Variants in CLDN10 observed in about 807,000 individuals in gnomAD.
CLDN10 encodes the protein claudin 10, also known as claudin-10.
In CLDN10, 15 loss-of-function variants were observed where a neutral mutation model predicts 22.9. The observed-to-expected ratio is 0.65, with a 90% CI of 0.44 to 1.01. CLDN10 has a LOEUF of 1.01. CLDN10 is among the 50% of genes least tolerant of loss of function. CLDN10 has a pLI of 0.00. For synonymous variants in CLDN10, 114 were observed against 111.4 expected, an observed-to-expected ratio of 1.02 and a Z score of -0.15; for missense variants, 247 against 287.8, an observed-to-expected ratio of 0.86 and a Z score of 1.03.
At chr13:95,500,268 C>A (rs1057412143) in intron 1 of CLDN10, among the ~76,000 whole-genome samples, 6 of 151,422 alleles carry the variant, frequency 4.0e-5, no homozygotes, top group Non-Finnish European at 5.9e-5. Context: ...AGTAAAACAG[C>A]ATGTTGCATG....
intron 1 of CLDN10, chr13:95,434,105 G>T (rs1464212911): frequency 7.0e-7 from 1 of 1,437,072 alleles, no homozygotes; most frequent in East Asian, 2.3e-5. Context: ...CCCCGACTGT[G>T]CTGAAGTAGC....
intron 3 of CLDN10, among the ~76,000 whole-genome samples, chr13:95,569,931 G>A (rs967884668): frequency 1.3e-5 from 2 of 152,068 alleles, no homozygotes; most frequent in African/African-American, 4.8e-5. Flanking sequence ...ACCGCGCCCG[G>A]CTAATTTTTT....
intron 1 of CLDN10, among the ~76,000 whole-genome samples, chr13:95,460,098 A>G (rs1013299262): frequency 6.6e-6 from 1 of 152,162 alleles, no homozygotes; most frequent in Non-Finnish European, 1.5e-5. Flanking sequence ...CCTTTATTCC[A>G]GTTCCCAAAA....
intron 1 of CLDN10, among the ~76,000 whole-genome samples, chr13:95,483,240 A>T (rs2042768772): frequency 6.6e-6 from 1 of 152,230 alleles, no homozygotes; most frequent in South Asian, 2.1e-4. Context: ...CTCCTCGTTC[A>T]GACTGTGGGC....
intron 1 of CLDN10, among the ~76,000 whole-genome samples, chr13:95,501,261 G>A (rs1317474143): frequency 2.0e-5 from 3 of 152,176 alleles, no homozygotes; most frequent in South Asian, 2.1e-4. Context: ...TGATCCACCC[G>A]ACTTGGCCTC....
chr13:95,434,154 CT>C (rs2042240424), intron 1 of CLDN10: 1 of 973,214 alleles, frequency 1.0e-6, no homozygotes. Context: ...AGACTGAGTG[CT>C]TAATCAAAGT....
chr13:95,571,218 T>C (rs556523694), intron 3 of CLDN10, among the ~76,000 whole-genome samples: 7 of 152,220 alleles, frequency 4.6e-5, no homozygotes, highest in African/African-American at 1.2e-4. Context: ...TATAGAATTC[T>C]GAACTACCCT....
chr13:95,450,125 T>C (rs576154401), intron 1 of CLDN10, among the ~76,000 whole-genome samples: 1 of 152,366 alleles, frequency 6.6e-6, no homozygotes, highest in African/African-American at 2.4e-5. Context: ...TTCTCCCACC[T>C]TGGCCTTCCA....
intron 1 of CLDN10, among the ~76,000 whole-genome samples, chr13:95,462,858 A>T (rs4332634): frequency 0.3 from 45,528 of 152,112 alleles, 8,390 homozygotes; most frequent in Non-Finnish European, 0.41. Context: ...TAATTCCACT[A>T]CTAACAGTCC....
At chr13:95,479,761 C>T (rs1205947876) in intron 1 of CLDN10, 4 of 152,158 alleles carry the variant, frequency 2.6e-5, no homozygotes, top group African/African-American at 9.7e-5. Flanking sequence ...GTCACATAGC[C>T]AGTGACAGAT....
At chr13:95,473,743 G>C (rs1225175784) in intron 1 of CLDN10, among the ~76,000 whole-genome samples, 1 of 152,172 alleles carries the variant, frequency 6.6e-6, no homozygotes, top group Non-Finnish European at 1.5e-5. Context: ...CAGGTTCCTG[G>C]GCCCTGCTAT....
intron 1 of CLDN10, among the ~76,000 whole-genome samples, chr13:95,494,420 T>TA (rs1160783409): frequency 6.6e-6 from 1 of 152,236 alleles, no homozygotes; most frequent in Non-Finnish European, 1.5e-5. Flanking sequence ...GTAACACGCA[T>TA]AAAACCTGAA....
chr13:95,537,884 C>T (rs1016454693), intron 1 of CLDN10, among the ~76,000 whole-genome samples: 1 of 152,224 alleles, frequency 6.6e-6, no homozygotes, highest in African/African-American at 2.4e-5. Context: ...TAGAGAATCC[C>T]TGAAACTTTA....
chr13:95,467,413 T>C (rs923740848), intron 1 of CLDN10, among the ~76,000 whole-genome samples: 4 of 152,178 alleles, frequency 2.6e-5, no homozygotes, highest in Non-Finnish European at 5.9e-5. Context: ...ATACTTTTTT[T>C]AAAACTTGGT....
chr13:95,480,333 TC>T (rs1190832785), intron 1 of CLDN10, among the ~76,000 whole-genome samples: 1 of 134,582 alleles, frequency 7.4e-6, no homozygotes, highest in South Asian at 2.6e-4. Context: ...CTCAGACACT[TC>T]CTTCGGTAGA....
intron 3 of CLDN10, among the ~76,000 whole-genome samples, chr13:95,574,663 G>A (rs1017685856): frequency 1.3e-5 from 2 of 152,046 alleles, no homozygotes; most frequent in African/African-American, 4.8e-5. Flanking sequence ...CCAGCTACTC[G>A]GGAGGCTGAG....
At chr13:95,477,072 C>T (rs1004022867) in intron 1 of CLDN10, among the ~76,000 whole-genome samples, 2 of 152,116 alleles carry the variant, frequency 1.3e-5, no homozygotes, top group African/African-American at 4.8e-5. Context: ...TAATTTTATT[C>T]AGCTTTGGTG....
chr13:95,499,422 A>C (rs936350703), intron 1 of CLDN10, among the ~76,000 whole-genome samples: 1 of 152,162 alleles, frequency 6.6e-6, no homozygotes, highest in Non-Finnish European at 1.5e-5. Context: ...AGCGCTTGTA[A>C]TCGCAGCTAC....
chr13:95,552,303 CA>C (rs1292921011), upstream of CLDN10, among the ~76,000 whole-genome samples: 2 of 138,210 alleles, frequency 1.4e-5, no homozygotes, highest in African/African-American at 5.3e-5. Flanking sequence ...TCAGGGCATG[CA>C]AAAGGCTTTT....
Sources: allele counts gnomAD v4.1 joint callset (sites outside exome capture counted in the v4.1 genomes callset), GRCh38; gene constraint gnomAD v4.1.1; transcripts MANE v1.5; gene names NCBI Gene and HGNC (gene_info 2026-07-23, HGNC 2026-07-21).